LAMA2: variants seen among roughly 807,000 people sequenced by gnomAD.
LAMA2 encodes laminin subunit alpha 2.
A neutral mutation model predicts 364.8 loss-of-function variants in LAMA2; 269 were observed. The observed-to-expected ratio is 0.74, with a 90% CI of 0.67 to 0.82. The LOEUF is 0.82. Among genes scored for constraint, LAMA2 ranks in the 40% least tolerant of loss-of-function variants. The pLI is 0.00. For synonymous variants in LAMA2, 1,379 were observed against 1,370.6 expected, an observed-to-expected ratio of 1.01 and a Z score of -0.14; for missense variants, 3,807 against 3,873.2, an observed-to-expected ratio of 0.98 and a Z score of 0.45.
intron 3 of LAMA2, among the ~76,000 whole-genome samples, chr6:129,083,511 G>C (rs997860999): frequency 1.3e-5 from 2 of 152,004 alleles, no homozygotes; most frequent in African/African-American, 2.4e-5. Context: ...TTCTTTCTTT[G>C]TTCTTTATTC....
intron 17 of LAMA2, 152 bp downstream of exon 17, chr6:129,270,903 C>T (rs1787888330): frequency 1.2e-6 from 1 of 848,150 alleles, no homozygotes; most frequent in Non-Finnish European, 1.8e-6. Flanking sequence ...TTTTTTCAAA[C>T]CTAAGATATT....
rs187300317 is a variant in LAMA2 at position 129,348,810 on chromosome 6, T to G, written c.4437-488T>G. On this transcript the variant is annotated intron_variant, in intron 30 of 64. Coordinates refer to ENST00000421865, the MANE Select transcript of LAMA2 (RefSeq NM_000426.4). ...ATATTATTTTATTCCAAGTGAAACA[T>G]GTATTCACACTTCACGTCTTGAAGC... Among the ~76,000 whole-genome samples the G allele has an allele frequency of 1.5e-3, 233 of 152,324 alleles. 2 individuals carry two copies. Among genetic ancestry groups the G allele is most frequent in the African/African-American group, 5.6e-3 (232 of 41,578 alleles).
rs1782074917 is a variant in LAMA2, at chr6:129,440,893, A to G, written c.6163A>G (p.Ile2055Val). 22 of 1,614,018 alleles carry G rather than the reference A, an allele frequency of 1.4e-5. No homozygotes were observed. Among genetic ancestry groups the G allele is most frequent in the Non-Finnish European group, 1.9e-5 (22 of 1,179,882 alleles). The change falls in exon 43 of 65, where the codon ATT becomes GTT. Residue 2055 changes from isoleucine to valine, a missense_variant. By Grantham distance (29) the Ile-to-Val change is conservative. Coordinates refer to ENST00000421865, the MANE Select transcript of LAMA2 (RefSeq NM_000426.4). ...NDTAKDVLAQITELHQNLDGL... is the reference protein window; with the variant it reads ...NDTAKDVLAQVTELHQNLDGL... The stretch of plus-strand genomic sequence containing the variant: ...CACAGCTAAAGATGTACTGGCACAG[A>G]TTACAGAGCTCCACCAGAACCTCGA...
At chr6:129,411,738 T>A (rs890044809) in intron 40 of LAMA2, among the ~76,000 whole-genome samples, 2 of 150,880 alleles carry the variant, frequency 1.3e-5, no homozygotes, top group Non-Finnish European at 2.9e-5. Flanking sequence ...TAAATACACT[T>A]CATTCACTGA....
chr6:129,213,615 C>T (rs1783239903), intron 12 of LAMA2, among the ~76,000 whole-genome samples: 1 of 152,136 alleles, frequency 6.6e-6, no homozygotes, highest in Non-Finnish European at 1.5e-5. Context: ...TTGAAATTCT[C>T]TAATGATGTA....
intron 56 of LAMA2, among the ~76,000 whole-genome samples, chr6:129,487,426 C>T (rs2114850725): frequency 6.6e-6 from 1 of 152,108 alleles, no homozygotes; most frequent in Admixed American, 6.5e-5. Context: ...AAACAGAAGC[C>T]CAGAGACTTC....
intron 34 of LAMA2, among the ~76,000 whole-genome samples, chr6:129,372,075 C>G (rs1181160229): frequency 6.6e-6 from 1 of 152,136 alleles, no homozygotes; most frequent in Non-Finnish European, 1.5e-5. Flanking sequence ...GTTCTCATAT[C>G]TACTCCCTGC....
At chr6:129,473,402 C>T (rs769163048) in intron 52 of LAMA2, 50 bp downstream of exon 52, 1 of 1,516,992 alleles carries the variant, frequency 6.6e-7, no homozygotes, top group East Asian at 2.3e-5. Context: ...ATTAAATGAC[C>T]ACTATGCTCA....
intron 63 of LAMA2, 126 bp from the exon 64 acceptor site, chr6:129,514,247 A>G (rs1268936511): frequency 3.9e-6 from 3 of 774,204 alleles, no homozygotes; most frequent in Non-Finnish European, 4.5e-6. Context: ...CAATATGCCC[A>G]GTTACATCCA....
intron 49 of LAMA2, among the ~76,000 whole-genome samples, chr6:129,461,423 C>T (rs1012939027): frequency 6.6e-6 from 1 of 152,072 alleles, no homozygotes; most frequent in Middle Eastern, 3.4e-3. Flanking sequence ...AGTTTGAAAG[C>T]GTGACCCATT....
At chr6:129,154,481 T>C in intron 7 of LAMA2, 24 bp from the exon 8 acceptor site, 1 of 1,578,446 alleles carries the variant, frequency 6.3e-7, no homozygotes, top group Admixed American at 1.7e-5. Context: ...TTGATGTTTA[T>C]TAATTTATTT....
At chr6:129,247,006 A>C (rs1785796661) in intron 12 of LAMA2, among the ~76,000 whole-genome samples, 1 of 152,198 alleles carries the variant, frequency 6.6e-6, no homozygotes, top group Non-Finnish European at 1.5e-5. Context: ...ACTGGAAACA[A>C]CACCAGGAAA....
intron 9 of LAMA2, among the ~76,000 whole-genome samples, chr6:129,175,966 T>C (rs964515927): frequency 1.3e-5 from 2 of 152,156 alleles, no homozygotes; most frequent in Non-Finnish European, 2.9e-5. Flanking sequence ...TTTTCAAATC[T>C]CTTTACTTCC....
intron 1 of LAMA2, among the ~76,000 whole-genome samples, chr6:128,897,329 CT>C (rs34940887): frequency 2.8e-4 from 41 of 148,438 alleles, no homozygotes; most frequent in Middle Eastern, 3.5e-3. Context: ...AGTCTATGAA[CT>C]TTTTTTTTTT....
Position 129,083,616 on chromosome 6 carries a change from G to A in LAMA2, c.397-14557G>A, listed in dbSNP as rs1583010951. Among the ~76,000 whole-genome samples the A allele has an allele frequency of 2.0e-5, 3 of 152,298 alleles. No individual in the cohort carries two copies. The South Asian group carries it at 6.2e-4, about 32-fold the overall frequency. On this transcript the variant is annotated intron_variant, in intron 3 of 64. Transcript: ENST00000421865. ...AGAATAGATGGGAGTGAAGACCCAA[G>A]CTGACTTTACCTCCAACTCAAAGAT...
chr6:129,161,961 T>C (rs879072257), intron 8 of LAMA2, among the ~76,000 whole-genome samples: 1 of 152,206 alleles, frequency 6.6e-6, no homozygotes, highest in East Asian at 1.9e-4. Context: ...GCAATGAACA[T>C]AGGCATGCAT....
chr6:128,916,899 G>A (rs1222479665), intron 1 of LAMA2, among the ~76,000 whole-genome samples: 1 of 152,168 alleles, frequency 6.6e-6, no homozygotes, highest in Non-Finnish European at 1.5e-5. Flanking sequence ...AAGGCAGATG[G>A]TAAGATTGGA....
At chr6:128,918,644 C>A (rs1778502004) in intron 1 of LAMA2, among the ~76,000 whole-genome samples, 1 of 152,134 alleles carries the variant, frequency 6.6e-6, no homozygotes, top group South Asian at 2.1e-4. Context: ...ACGAAACATT[C>A]CCTTGTAACA....
chr6:129,437,215 A>G lies in LAMA2; in HGVS notation c.5969-1431A>G, dbSNP rs75453808. On this transcript the variant is annotated intron_variant, in intron 41 of 64. Transcript: ENST00000421865. ...TGTGGATTTGAATACCACCACTGCC[A>G]TTTATTAACCATGCAAGCTTAGGAA... 9.3e-4 allele frequency among the ~76,000 whole-genome samples: 141 copies of G among 152,254 alleles called. 3 individuals carry two copies. In the East Asian group the frequency reaches 0.026, roughly 28 times the overall value.
Sources: gnomAD v4.1 joint callset for allele counts (sites outside exome capture counted in the v4.1 genomes callset) on GRCh38, gnomAD v4.1.1 for gene constraint, MANE v1.5 for transcripts, NCBI Gene and HGNC (gene_info 2026-07-23, HGNC 2026-07-21) for gene names.